The following AHRR variants were observed in gnomAD, a reference collection of about 807,000 sequenced individuals.
The protein encoded by AHRR is aryl hydrocarbon receptor repressor.
AHRR carries 28 observed loss-of-function variants against 44.0 expected under a neutral mutation model. The ratio of observed to expected loss-of-function variants is 0.64; its 90% CI spans 0.47 to 0.87. AHRR has a LOEUF of 0.87. Among genes scored for constraint, AHRR ranks in the 40% least tolerant of loss-of-function variants. The probability of loss-of-function intolerance (pLI) is 0.00; values close to 1 mark genes in which losing one functional copy is unlikely to be tolerated. For missense variants in AHRR, 990 were observed against 953.9 expected (o/e 1.04, Z -0.50); for synonymous variants, 434 against 407.0 (o/e 1.07, Z -0.80).
chr5:360,992 C>G (rs993555908), intron 3 of AHRR, among the ~76,000 whole-genome samples: 4 of 152,280 alleles, frequency 2.6e-5, no homozygotes, highest in African/African-American at 9.6e-5. Flanking sequence ...TGGCGCACAC[C>G]TGTAATACCA....
intron 7 of AHRR, among the ~76,000 whole-genome samples, chr5:424,681 G>A (rs1736306920): frequency 6.6e-6 from 1 of 152,194 alleles, no homozygotes; most frequent in Non-Finnish European, 1.5e-5. Context: ...CATCTGCCAA[G>A]GGCTGGCAAA....
At chr5:427,687 C>G (rs1451907215) in intron 7 of AHRR, 120 bp from the exon 8 acceptor site, 2 of 1,613,986 alleles carry the variant, frequency 1.2e-6, no homozygotes, top group South Asian at 1.1e-5. Context: ...CCGAGCCACT[C>G]ATGGTGAGCT....
intron 4 of AHRR, chr5:403,584 C>T (rs753690101): frequency 2.8e-4 from 100 of 362,392 alleles, no homozygotes; most frequent in East Asian, 1.2e-3. Context: ...TGCAGTGAGC[C>T]GAGATCGCAC....
In AHRR at chr5:387,054, A is replaced by G. The variant is rs1342843670; in HGVS notation, c.351+10338A>G. Reference sequence around the variant, plus strand: ...TGTTTCCATATCCGTTTGATTGTCAAAGCCTCTGCTGCACGGGGTGGGTCT... The same window carrying G: ...TGTTTCCATATCCGTTTGATTGTCAGAGCCTCTGCTGCACGGGGTGGGTCT... On this transcript the variant is annotated intron_variant, in intron 4 of 10. Coordinates refer to ENST00000684583, the MANE Select transcript of AHRR (RefSeq NM_001377236.1). This position sits in a 1 kb window ranked among gnomAD's most constrained non-coding sequence, Gnocchi z 5.1. Among the ~76,000 whole-genome samples, 2 of 152,202 alleles carry G rather than the reference A, an allele frequency of 1.3e-5. No individual in the cohort carries two copies. Among genetic ancestry groups the G allele is most frequent in the Admixed American group, 1.3e-4 (2 of 15,290 alleles).
chr5:381,637 C>G (rs1047975846), intron 4 of AHRR, among the ~76,000 whole-genome samples: 1 of 151,058 alleles, frequency 6.6e-6, no homozygotes, highest in East Asian at 1.9e-4. Flanking sequence ...GCCTCAGCCT[C>G]CCAAGTAGCT....
At chr5:391,485 G>A (rs1170620599) in intron 4 of AHRR, among the ~76,000 whole-genome samples, 2 of 94,278 alleles carry the variant, frequency 2.1e-5, no homozygotes, top group Non-Finnish European at 3.7e-5. Flanking sequence ...GGCAGGGCGA[G>A]GCGGGCGCAG....
intron 1 of AHRR, among the ~76,000 whole-genome samples, chr5:341,569 C>T (rs1285787757): frequency 1.4e-5 from 2 of 144,482 alleles, no homozygotes; most frequent in Admixed American, 1.4e-4. Flanking sequence ...CTCTGTCGCC[C>T]AGGCTGGAGT....
In AHRR at chr5:434,197, G is replaced by A; in HGVS notation, c.1457G>A (p.Arg486Lys). Residue 486 changes from arginine (R) to lysine (K), a missense_variant, in exon 11 of 11, where the codon AGG (arginine) becomes AAG (lysine). Transcript: ENST00000684583. ...CCTCCCCTCTGCCACTTTCCCCAGA[G>A]GAGCCTGCAGCACCAGCTCCCTCAG... ...VHPPLCHFPQ[R>K]SLQHQLPQPG... 1 of 1,592,206 alleles carries A rather than the reference G, an allele frequency of 6.3e-7. No individual in the cohort carries two copies. Among genetic ancestry groups the A allele is most frequent in the South Asian group, 1.2e-5 (1 of 86,748 alleles).
At chr5:336,982 C>T (rs7717531) in intron 1 of AHRR, among the ~76,000 whole-genome samples, 1 of 152,156 alleles carries the variant, frequency 6.6e-6, no homozygotes, top group African/African-American at 2.4e-5. Flanking sequence ...TCTTTCCCTG[C>T]TGAACAGCCT....
Position 344,761 on chromosome 5 carries a change from GGGT to G in AHRR, c.62+799_62+801del, listed in dbSNP as rs1472758969. 2.3e-4 allele frequency among the ~76,000 whole-genome samples: 13 copies of G among 56,734 alleles called. 3 individuals are homozygous for G. Among genetic ancestry groups the G allele is most frequent in the African/African-American group, 1.2e-3 (10 of 8,386 alleles). 37.2% of individuals were successfully genotyped at this position (56,734 alleles called of 152,430 possible). A position where few individuals can be genotyped will look rare whatever the true frequency, so the allele number is the denominator to read the frequency against. Reference sequence around the variant, plus strand: ...TGTGCGGGGGGAGCTGTGTGTGTGTGGGTGTGTGTGTGACTGTGCGGGTGTGCG... The same window carrying G: ...TGTGCGGGGGGAGCTGTGTGTGTGTGGTGTGTGTGACTGTGCGGGTGTGCG... On this transcript the variant is annotated intron_variant, in intron 2 of 10. Coordinates refer to ENST00000684583, the MANE Select transcript of AHRR (RefSeq NM_001377236.1).
intron 4 of AHRR, among the ~76,000 whole-genome samples, chr5:377,092 G>A (rs890659257): frequency 6.6e-6 from 1 of 152,170 alleles, no homozygotes; most frequent in Admixed American, 6.5e-5. Context: ...AGTCTACACT[G>A]GGCTTCCCTG....
intron 4 of AHRR, among the ~76,000 whole-genome samples, chr5:410,318 T>C (rs1430155333): frequency 6.6e-6 from 1 of 152,174 alleles, no homozygotes; most frequent in Non-Finnish European, 1.5e-5. Flanking sequence ...CACCTCAGCC[T>C]CCCAAGTAGC....
rs1322078844 is a variant in AHRR, at chr5:434,355, T to C, written c.1615T>C (p.Ser539Pro). Residue 539 changes from serine to proline, a missense_variant, in exon 11 of 11, where the codon TCT becomes CCT. Coordinates refer to ENST00000684583, the MANE Select transcript of AHRR (RefSeq NM_001377236.1). The part of the protein sequence containing the change: ...LDVSIKMEKD[S>P]GCEGAADGCV... ...TGTGTCCATCAAGATGGAGAAGGACTCTGGGTGTGAGGGTGCTGCAGACGG... is the reference window on the plus strand; with the variant it reads ...TGTGTCCATCAAGATGGAGAAGGACCCTGGGTGTGAGGGTGCTGCAGACGG... The C allele has an allele frequency of 6.2e-7, 1 of 1,613,418 alleles. No homozygotes were observed. Among genetic ancestry groups the C allele is most frequent in the African/African-American group, 1.3e-5 (1 of 75,038 alleles).
chr5:401,001 C>T (rs1021342188), intron 4 of AHRR, among the ~76,000 whole-genome samples: 3 of 152,344 alleles, frequency 2.0e-5, no homozygotes, highest in South Asian at 2.1e-4. Flanking sequence ...CTGGTGCACA[C>T]CCCTCCAGCC....
intron 5 of AHRR, among the ~76,000 whole-genome samples, chr5:418,400 C>G (rs1735919744): frequency 6.6e-6 from 1 of 152,196 alleles, no homozygotes; most frequent in South Asian, 2.1e-4. Flanking sequence ...TTCCCTCAAC[C>G]CAAACAGGAC....
At chr5:415,892 T>C (rs1735786249) in intron 5 of AHRR, among the ~76,000 whole-genome samples, 2 of 151,122 alleles carry the variant, frequency 1.3e-5, no homozygotes, top group African/African-American at 4.9e-5. Context: ...ACAGCTGAAA[T>C]TGCTGCTGCC....
chr5:349,373 C>T lies in AHRR; in HGVS notation c.63-4357C>T, dbSNP rs1260100603. ...CGGGAGGACCACAAGGTCAGGAGAT[C>T]GAGACCATCCTGGCTAACACGGTGA... On this transcript the variant is annotated intron_variant, in intron 2 of 10. Transcript: ENST00000684583. Among the ~76,000 whole-genome samples, 4 of 152,148 alleles carry T rather than the reference C, an allele frequency of 2.6e-5. No homozygotes were observed. In the East Asian group the frequency reaches 7.7e-4, roughly 29 times the overall value.
chr5:408,555 A>T (rs917369561), intron 4 of AHRR, among the ~76,000 whole-genome samples: 1 of 151,898 alleles, frequency 6.6e-6, no homozygotes, highest in Admixed American at 6.6e-5. Context: ...TTGGTGTATT[A>T]TTTTCCTAAT....
Position 376,672 on chromosome 5 carries a change from C to G in AHRR, c.307C>G (p.Pro103Ala). 6.2e-7 allele frequency: 1 copy of G among 1,606,334 alleles called. No homozygotes were observed. The highest frequency in any genetic ancestry group is 1.1e-5 in the South Asian group (1 of 90,118). ...CGCCCCCTCGCCCGGAGACAGCTGTCCTCTTGCAGGGTCTGCCGTGCTGGA... is the reference window on the plus strand; with the variant it reads ...CGCCCCCTCGCCCGGAGACAGCTGTGCTCTTGCAGGGTCTGCCGTGCTGGA... Reference protein sequence around the residue: ...AGAPSPGDSCPLAGSAVLEGR... With the variant: ...AGAPSPGDSCALAGSAVLEGR... Residue 103 changes from proline to alanine, a missense_variant, in exon 4 of 11, where the codon CCT becomes GCT. By Grantham distance (27) the Pro-to-Ala change is conservative. Coordinates refer to ENST00000684583, the MANE Select transcript of AHRR (RefSeq NM_001377236.1).
Sources: allele counts gnomAD v4.1 joint callset (sites outside exome capture counted in the v4.1 genomes callset), GRCh38; gene constraint gnomAD v4.1.1; non-coding constraint Gnocchi (gnomAD v3.1); transcripts MANE v1.5; gene names NCBI Gene and HGNC (gene_info 2026-07-23, HGNC 2026-07-21).